Variants in CLPTM1 observed in about 807,000 individuals in gnomAD.
CLPTM1 encodes the protein CLPTM1 regulator of GABA type A receptor forward trafficking, also known as putative lipid scramblase CLPTM1.
In CLPTM1, 21 loss-of-function variants were observed where a neutral mutation model predicts 77.3. That is an observed-to-expected ratio of 0.27 (90% CI 0.19 to 0.39). The LOEUF is 0.39. CLPTM1 is among the 10% of genes least tolerant of loss of function. The pLI, the probability that CLPTM1 is intolerant of heterozygous loss-of-function variation, is 1.00. For synonymous variants in CLPTM1, 373 were observed against 381.0 expected, an observed-to-expected ratio of 0.98 and a Z score of 0.24; for missense variants, 642 against 921.2, an observed-to-expected ratio of 0.70 and a Z score of 3.92.
At position 44,990,415 on chromosome 19, in the gene CLPTM1, C is replaced by T. The variant is rs755048212; in HGVS notation, c.1153C>T (p.Arg385Trp). ...CACAGATATCCAGTTCTGGAACAGCCGGCAGTCCCTGGAGGGCCTGTCCGT... is the reference window on the plus strand; with the variant it reads ...CACAGATATCCAGTTCTGGAACAGCTGGCAGTCCCTGGAGGGCCTGTCCGT... Reference protein sequence around the residue: ...FKNDIQFWNSRQSLEGLSVRS... With the variant: ...FKNDIQFWNSWQSLEGLSVRS... Residue 385 changes from arginine (R) to tryptophan (W), a missense_variant, in exon 10 of 14, where the codon CGG becomes TGG. Arg to Trp is a moderately radical substitution (Grantham distance 101, BLOSUM62 -3). Transcript: ENST00000337392. The surrounding 1 kb of genome is among the most constrained non-coding windows in gnomAD (Gnocchi z 4.8). The T allele has an allele frequency of 6.2e-7, 1 of 1,614,006 alleles. No homozygotes were observed. The highest frequency in any genetic ancestry group is 8.5e-7 in the Non-Finnish European group (1 of 1,179,944).
rs1971069481 is a variant in CLPTM1 at position 44,991,212 on chromosome 19, G to A, written c.1420-26G>A. The A allele has an allele frequency of 6.2e-7, 1 of 1,612,662 alleles. No individual in the cohort carries two copies. The highest frequency in any genetic ancestry group is 1.3e-5 in the African/African-American group (1 of 74,906). On this transcript the variant is annotated intron_variant, in intron 11 of 13. Coordinates refer to ENST00000337392, the MANE Select transcript of CLPTM1 (RefSeq NM_001294.4). This position sits in a 1 kb window ranked among gnomAD's most constrained non-coding sequence, Gnocchi z 5.4. ...GCCAGGCAGGGCTGAGGAGCTGGCT[G>A]ACAGCCCCACCCTGTGGCCCCACAG... is the stretch of plus-strand genomic sequence containing the variant.
rs553136063 is a variant in CLPTM1, at chr19:44,991,867, T to C, written c.1556-366T>C. On this transcript the variant is annotated intron_variant, in intron 12 of 13. Transcript: ENST00000337392. The surrounding 1 kb of genome is among the most constrained non-coding windows in gnomAD (Gnocchi z 5.4). ...CTGCAGTGAGCCATGATTACGCCAC[T>C]GCACTCCAGCCTGGGTGACAGAGTG... 3.1e-4 allele frequency among the ~76,000 whole-genome samples: 47 copies of C among 152,162 alleles called. No homozygotes were observed. Among genetic ancestry groups the C allele is most frequent in the Non-Finnish European group, 4.9e-4 (33 of 67,992 alleles).
rs77555834 is a variant in CLPTM1, at chr19:44,975,101, G to C, written c.468+504G>C. Among the ~76,000 whole-genome samples, 930 of 152,302 alleles carry C rather than the reference G, an allele frequency of 6.1e-3. 13 individuals carry two copies. The highest frequency in any genetic ancestry group is 0.021 in the African/African-American group (871 of 41,574). On this transcript the variant is annotated intron_variant, in intron 4 of 13. Transcript: ENST00000337392. The stretch of plus-strand genomic sequence containing the variant: ...TTACCCAAGGCCACATCGCATGAGA[G>C]ATTCAGACTCAGGCTCTACGGCTGT...
chr19:44,978,981 C>CTTT (rs35634071), intron 5 of CLPTM1, among the ~76,000 whole-genome samples: 2 of 132,302 alleles, frequency 1.5e-5, no homozygotes, highest in African/African-American at 5.6e-5. Context: ...TTGCCTGGCT[C>CTTT]TTTTTTTTTT....
chr19:44,962,561 G>A (rs150004902), intron 2 of CLPTM1, among the ~76,000 whole-genome samples: 1 of 152,132 alleles, frequency 6.6e-6, no homozygotes, highest in East Asian at 1.9e-4. Flanking sequence ...TGTGTCCTAA[G>A]CTCCTCTTAT....
intron 8 of CLPTM1, chr19:44,987,833 CT>C: frequency 1.7e-6 from 1 of 583,466 alleles, no homozygotes; most frequent in Non-Finnish European, 3.1e-6. Flanking sequence ...CCCAGTGTCC[CT>C]TCACCCACTC....
intron 8 of CLPTM1, 116 bp from the exon 9 acceptor site, chr19:44,987,964 G>A: frequency 2.6e-6 from 2 of 763,466 alleles, no homozygotes; most frequent in Non-Finnish European, 2.4e-6. Context: ...GTCTCCTCCT[G>A]GCTGGCCCAC....
rs1484002460 is a variant in CLPTM1, at chr19:44,988,137, G to A, written c.1096G>A (p.Val366Ile). Residue 366 changes from valine (V) to isoleucine (I), a missense_variant, in exon 9 of 14, where the codon GTT (valine) becomes ATT (isoleucine). Transcript: ENST00000337392. ...LLALTIIVSIVHSVFEFLAFK... is the reference protein window; with the variant it reads ...LLALTIIVSIIHSVFEFLAFK... ...GGCGCTCACCATCATCGTGTCTATC[G>A]TTCACAGTGTCTTCGAGTTCCTGGC... is the stretch of plus-strand genomic sequence containing the variant. 6 of 1,613,984 alleles carry A rather than the reference G, an allele frequency of 3.7e-6. No homozygotes were observed. The highest frequency in any genetic ancestry group is 4.5e-5 in the East Asian group (2 of 44,896).
At chr19:44,967,514 G>A (rs878871553) in intron 2 of CLPTM1, among the ~76,000 whole-genome samples, 1 of 152,018 alleles carries the variant, frequency 6.6e-6, no homozygotes, top group African/African-American at 2.4e-5. Flanking sequence ...AAAATTAGCC[G>A]GGCATGGCGG....
intron 3 of CLPTM1, 120 bp downstream of exon 3, chr19:44,973,330 A>G (rs1970752340): frequency 7.2e-7 from 1 of 1,389,040 alleles, no homozygotes; most frequent in Non-Finnish European, 9.9e-7. Flanking sequence ...GGTCTAGGAA[A>G]ACAGGTCCAG....
Position 44,990,901 on chromosome 19 carries a change from G to A in CLPTM1, c.1375G>A (p.Asp459Asn). ...AATCTTCCCCCGCCTATCCTTCAAG[G>A]ACAAGTCCACGTATATCGAGTCCTC... The part of the protein sequence containing the change: ...AGIFPRLSFK[D>N]KSTYIESSTK... Residue 459 changes from aspartate (D) to asparagine (N), a missense_variant, in exon 11 of 14, where the codon GAC becomes AAC. Coordinates refer to ENST00000337392, the MANE Select transcript of CLPTM1 (RefSeq NM_001294.4). The surrounding 1 kb of genome is among the most constrained non-coding windows in gnomAD (Gnocchi z 4.8). 6.2e-7 allele frequency: 1 copy of A among 1,614,002 alleles called. No individual in the cohort carries two copies. The highest frequency in any genetic ancestry group is 8.5e-7 in the Non-Finnish European group (1 of 1,179,924).
chr19:44,954,807 G>A (rs748535391), upstream of CLPTM1: 15 of 1,255,294 alleles, frequency 1.2e-5, no homozygotes, highest in African/African-American at 2.1e-4. Flanking sequence ...TAAGACCCCT[G>A]GAATTGGAAC....
At chr19:44,977,288 C>T (rs1970819400) in intron 4 of CLPTM1, 55 bp from the exon 5 acceptor site, 4 of 1,317,128 alleles carry the variant, frequency 3.0e-6, no homozygotes, top group South Asian at 2.3e-5. Context: ...AGGGCTTTAA[C>T]GTTTCCCTCA....
intron 4 of CLPTM1, 88 bp downstream of exon 4, chr19:44,974,685 T>A (rs1280806856): frequency 6.8e-7 from 1 of 1,476,902 alleles, no homozygotes; most frequent in Non-Finnish European, 9.2e-7. Flanking sequence ...GCTGAGAGCA[T>A]GTGGAGTTTG....
chr19:44,978,379 T>C (rs1970839134), intron 5 of CLPTM1, among the ~76,000 whole-genome samples: 1 of 149,074 alleles, frequency 6.7e-6, no homozygotes, highest in Non-Finnish European at 1.5e-5. Context: ...CACTCCAGCC[T>C]GGTGACACAG....
chr19:44,980,975 C>G (rs1970886727), intron 5 of CLPTM1, among the ~76,000 whole-genome samples: 1 of 151,496 alleles, frequency 6.6e-6, no homozygotes, highest in African/African-American at 2.4e-5. Context: ...GTAGCTGGGA[C>G]TACAGGCGCC....
At chr19:44,957,071 A>AT (rs1384497928) in intron 1 of CLPTM1, among the ~76,000 whole-genome samples, 5 of 152,188 alleles carry the variant, frequency 3.3e-5, no homozygotes, top group African/African-American at 1.2e-4. Flanking sequence ...GTCTCCAGAC[A>AT]TTGCCAAATG....
intron 7 of CLPTM1, 74 bp from the exon 8 acceptor site, chr19:44,987,105 C>G: frequency 6.5e-7 from 1 of 1,542,600 alleles, no homozygotes; most frequent in Admixed American, 1.9e-5. Context: ...TTGGGTCTCT[C>G]CAGACATCTG....
chr19:44,972,529 A>T (rs139810036), intron 2 of CLPTM1, among the ~76,000 whole-genome samples: 1 of 152,144 alleles, frequency 6.6e-6, no homozygotes, highest in South Asian at 2.1e-4. Context: ...GATTACAGGC[A>T]TGAGCCGCCG....
Sources: allele counts gnomAD v4.1 joint callset (sites outside exome capture counted in the v4.1 genomes callset), GRCh38; gene constraint gnomAD v4.1.1; non-coding constraint Gnocchi (gnomAD v3.1); transcripts MANE v1.5; gene names NCBI Gene and HGNC (gene_info 2026-07-23, HGNC 2026-07-21).